Variants in MYO16 observed in about 807,000 individuals in gnomAD.
MYO16 encodes unconventional myosin-XVI.
A neutral mutation model predicts 205.3 loss-of-function variants in MYO16; 94 were observed. The observed-to-expected ratio is 0.46, with a 90% confidence interval of 0.39 to 0.54. The LOEUF (loss-of-function observed/expected upper bound fraction) is 0.54, where lower values mean the gene tolerates loss of function less well. Ranked by LOEUF, MYO16 falls within the 20% of genes least tolerant of loss-of-function variation. The pLI, the probability that MYO16 is intolerant of heterozygous loss-of-function variation, is 0.00. For missense variants in MYO16, 2,315 were observed against 2,387.5 expected, an observed-to-expected ratio of 0.97 and a Z score of 0.63; for synonymous variants, 988 against 954.0, an observed-to-expected ratio of 1.04 and a Z score of -0.66.
chr13:109,077,462 A>G (rs1380578422), intron 27 of MYO16, among the ~76,000 whole-genome samples: 1 of 152,192 alleles, frequency 6.6e-6, no homozygotes, highest in African/African-American at 2.4e-5. Flanking sequence ...TAGGTTTACT[A>G]TAATTGACGA....
chr13:108,562,068 G>A, the MYO16 span, among the ~76,000 whole-genome samples: 1 of 152,114 alleles, frequency 6.6e-6, no homozygotes, highest in East Asian at 1.9e-4. Context: ...TGTAGATTTT[G>A]TTTATGGACT....
In MYO16 at chr13:109,022,692, A is replaced by G. The variant is rs1245205102; in HGVS notation, c.2796+2781A>G. ...ATTATATATACACATATAAACATGT[A>G]TATATTTATATATTATATATACGCA... On this transcript the variant is annotated intron_variant, in intron 23 of 34. Coordinates refer to ENST00000457511, the MANE Select transcript of MYO16 (RefSeq NM_001198950.3). Among the ~76,000 whole-genome samples, 219 of 104,172 alleles carry G rather than the reference A, an allele frequency of 2.1e-3. 36 individuals carry two copies. The highest frequency in any genetic ancestry group is 3.3e-3 in the Admixed American group (27 of 8,270). The allele number at this position is 104,172 out of a possible 152,430, so 68.3% of individuals were successfully genotyped here. A position where few individuals can be genotyped will look rare whatever the true frequency, so the allele number is the denominator to read the frequency against.
At chr13:108,897,796 G>C (rs1052761671) in intron 14 of MYO16, among the ~76,000 whole-genome samples, 2 of 152,098 alleles carry the variant, frequency 1.3e-5, no homozygotes, top group Admixed American at 1.3e-4. Flanking sequence ...CAAGCAATCT[G>C]TCTATTATTG....
At chr13:108,786,685 C>T (rs1179485983) in intron 5 of MYO16, among the ~76,000 whole-genome samples, 2 of 152,114 alleles carry the variant, frequency 1.3e-5, no homozygotes, top group African/African-American at 4.8e-5. Context: ...GCAATGAGTT[C>T]GCAGATAAAA....
intron 23 of MYO16, among the ~76,000 whole-genome samples, chr13:109,023,651 G>GTA (rs1179332497): frequency 2.6e-4 from 32 of 124,278 alleles, no homozygotes; most frequent in Admixed American, 3.7e-4. Flanking sequence ...ACAAATATAT[G>GTA]TATATATGTA....
chr13:108,672,116 A>C (rs984579307), intron 2 of MYO16, among the ~76,000 whole-genome samples: 3 of 152,190 alleles, frequency 2.0e-5, no homozygotes, highest in Non-Finnish European at 4.4e-5. Context: ...GGGGAAAAAT[A>C]TGAATTTCTT....
At chr13:108,963,113 A>G (rs1883649942) in intron 19 of MYO16, among the ~76,000 whole-genome samples, 1 of 152,252 alleles carries the variant, frequency 6.6e-6, no homozygotes, top group South Asian at 2.1e-4. Flanking sequence ...ATCTCTACTC[A>G]GTGAACAAAG....
chr13:108,994,786 A>T (rs937452123), intron 21 of MYO16, among the ~76,000 whole-genome samples: 4 of 152,206 alleles, frequency 2.6e-5, no homozygotes, highest in Admixed American at 6.5e-5. Flanking sequence ...CATGTTTTCA[A>T]TTGAAGTTTA....
chr13:109,016,573 G>A (rs277856), intron 22 of MYO16, among the ~76,000 whole-genome samples: 152,211 of 152,230 alleles, frequency 1, 76,096 homozygotes, highest in Non-Finnish European at 1. Context: ...AAAGTCTCCC[G>A]TTATTATTGT....
chr13:108,598,717 T>G (rs1878650885), intron 1 of MYO16, among the ~76,000 whole-genome samples: 1 of 152,228 alleles, frequency 6.6e-6, no homozygotes, highest in South Asian at 2.1e-4. Flanking sequence ...CGCACCATTT[T>G]TATTCATTGG....
chr13:108,569,039 G>T, the MYO16 span, among the ~76,000 whole-genome samples: 1 of 151,910 alleles, frequency 6.6e-6, no homozygotes, highest in Admixed American at 6.6e-5. Context: ...TTTTATGCCA[G>T]CATCTCACTG....
chr13:108,832,057 G>A (rs1033387184), intron 9 of MYO16, among the ~76,000 whole-genome samples: 1 of 151,554 alleles, frequency 6.6e-6, no homozygotes, highest in Non-Finnish European at 1.5e-5. Flanking sequence ...CTTGCTTCTT[G>A]TGCCAAAGTT....
At chr13:109,040,527 C>T (rs1039960032) in intron 23 of MYO16, among the ~76,000 whole-genome samples, 1 of 151,834 alleles carries the variant, frequency 6.6e-6, no homozygotes, top group Admixed American at 6.6e-5. Context: ...TTTTTGTTTT[C>T]TTTTTCTGGG....
chr13:109,013,557 G>T (rs1885694319), intron 22 of MYO16, among the ~76,000 whole-genome samples: 1 of 152,124 alleles, frequency 6.6e-6, no homozygotes, highest in South Asian at 2.1e-4. Context: ...TTCCACAATG[G>T]TTGAACTAGT....
intron 10 of MYO16, among the ~76,000 whole-genome samples, chr13:108,853,150 CCT>C (rs1179675982): frequency 6.6e-6 from 1 of 152,210 alleles, no homozygotes; most frequent in Non-Finnish European, 1.5e-5. Context: ...TATGGTCGCG[CCT>C]CTCTCTGAGA....
chr13:108,622,950 G>A (rs983876523), intron 1 of MYO16, among the ~76,000 whole-genome samples: 2 of 152,186 alleles, frequency 1.3e-5, no homozygotes, highest in East Asian at 3.9e-4. Context: ...GCTTTTATAA[G>A]CTGCACATAT....
At chr13:108,898,580 A>G (rs1880554018) in intron 15 of MYO16, among the ~76,000 whole-genome samples, 1 of 152,168 alleles carries the variant, frequency 6.6e-6, no homozygotes, top group Non-Finnish European at 1.5e-5. Context: ...AATTAAATAA[A>G]TAATACCTTA....
chr13:109,168,280 T>C (rs1396556517), intron 33 of MYO16, among the ~76,000 whole-genome samples: 1 of 152,162 alleles, frequency 6.6e-6, no homozygotes, highest in Non-Finnish European at 1.5e-5. Flanking sequence ...GAAAAATGAT[T>C]AGCAGAATAT....
At chr13:109,112,665 G>C (rs1470833938) in intron 28 of MYO16, among the ~76,000 whole-genome samples, 1 of 152,126 alleles carries the variant, frequency 6.6e-6, no homozygotes, top group Non-Finnish European at 1.5e-5. Context: ...TGAAGCAGGA[G>C]AATTGCTTGA....
Sources: gnomAD v4.1 joint callset for allele counts (sites outside exome capture counted in the v4.1 genomes callset) on GRCh38, gnomAD v4.1.1 for gene constraint, MANE v1.5 for transcripts, NCBI Gene and HGNC (gene_info 2026-07-23, HGNC 2026-07-21) for gene names.